ALG10B: variants seen among roughly 807,000 people sequenced by gnomAD.
The protein encoded by ALG10B is ALG10 alpha-1,2-glucosyltransferase B, also known as dol-P-Glc:Glc(2)Man(9)GlcNAc(2)-PP-Dol alpha-1,2-glucosyltransferase B.
A neutral mutation model predicts 38.7 loss-of-function variants in ALG10B; 27 were observed. The ratio of observed to expected loss-of-function variants is 0.70; its 90% CI spans 0.51 to 0.96. The LOEUF (loss-of-function observed/expected upper bound fraction) is 0.96. ALG10B is among the 40% of genes least tolerant of loss of function. The pLI, the probability that ALG10B is intolerant of heterozygous loss-of-function variation, is 0.00. For missense variants in ALG10B, 522 were observed against 542.7 expected (o/e 0.96, Z 0.38); for synonymous variants, 177 against 193.3 (o/e 0.92, Z 0.70).
rs1391509541 is a variant in ALG10B, at chr12:38,320,460, T to G, written c.669T>G (p.Ile223Met). The G allele has an allele frequency of 2.5e-6, 4 of 1,614,072 alleles. No individual in the cohort carries two copies. In the Admixed American group the frequency reaches 5.0e-5, roughly 20 times the overall value. Residue 223 changes from isoleucine to methionine, a missense_variant, in exon 3 of 3, where the codon ATT becomes ATG. Ile to Met is a conservative substitution (Grantham distance 10, BLOSUM62 1). Coordinates refer to ENST00000308742, the MANE Select transcript of ALG10B (RefSeq NM_001013620.4). ...LQKKEDRLPP[I>M]KGPFAEFRKI... ...AGAAGGAAGACAGACTTCCACCTAT[T>G]AAAGGACCATTTGCAGAATTCAGAA...
Position 38,322,902 on chromosome 12 carries a change from T to G in ALG10B, c.*1689T>G, listed in dbSNP as rs770781240. The G allele has an allele frequency of 3.9e-5, 6 of 152,218 alleles. No individual in the cohort carries two copies. Among genetic ancestry groups the G allele is most frequent in the Non-Finnish European group, 7.3e-5 (5 of 68,028 alleles). 9.4% of individuals were successfully genotyped at this position (152,218 alleles called of 1,614,324 possible). On this transcript the variant is annotated 3_prime_UTR_variant, in exon 3 of 3. Transcript: ENST00000308742. ...TTGGCTTATTTCACTTACCATAATGTCCTCCACGATCATCCATATTGTTGC... is the reference window on the plus strand; with the variant it reads ...TTGGCTTATTTCACTTACCATAATGGCCTCCACGATCATCCATATTGTTGC...
rs1192175694 is a variant in ALG10B at position 38,328,872 on chromosome 12, A to G, written c.*7659A>G. Reference sequence around the variant, plus strand: ...AAACTCGTGTAACATTGTATCAGCCACTGTTATAAAGTGATTTACCCATGT... The same window carrying G: ...AAACTCGTGTAACATTGTATCAGCCGCTGTTATAAAGTGATTTACCCATGT... On this transcript the variant is annotated 3_prime_UTR_variant, in exon 3 of 3. Coordinates refer to ENST00000308742, the MANE Select transcript of ALG10B (RefSeq NM_001013620.4). 4.4e-6 allele frequency: 1 copy of G among 227,766 alleles called. No homozygotes were observed. The highest frequency in any genetic ancestry group is 8.5e-6 in the Non-Finnish European group (1 of 117,708). 14.1% of individuals were successfully genotyped at this position (227,766 alleles called of 1,614,324 possible).
At position 38,328,490 on chromosome 12, in the gene ALG10B, A is replaced by C. The variant is rs1307120288; in HGVS notation, c.*7277A>C. 1 of 152,134 alleles carries C rather than the reference A, an allele frequency of 6.6e-6. No homozygotes were observed. Among genetic ancestry groups the C allele is most frequent in the African/African-American group, 2.4e-5 (1 of 41,438 alleles). The allele number at this position is 152,134 out of a possible 1,614,324, so 9.4% of individuals were successfully genotyped here. A position where few individuals can be genotyped will look rare whatever the true frequency, so the allele number is the denominator to read the frequency against. On this transcript the variant is annotated 3_prime_UTR_variant, in exon 3 of 3. Transcript: ENST00000308742. ...AAAAGGCTGAGCACTATCTGTAAAA[A>C]TTTTTAAGGTGTCCACTAGGTGGAG...
In ALG10B at chr12:38,321,152, T is replaced by C. The variant is rs1175616643; in HGVS notation, c.1361T>C (p.Ile454Thr). Reference sequence around the variant, plus strand: ...ATTGTTAATTTCATAACTTTTTACATCTTTCTGAACAAGACTTTTCAGTGG... The same window carrying C: ...ATTGTTAATTTCATAACTTTTTACACCTTTCTGAACAAGACTTTTCAGTGG... Reference protein sequence around the residue: ...YAIVNFITFYIFLNKTFQWPN... With the variant: ...YAIVNFITFYTFLNKTFQWPN... The change falls in exon 3 of 3, where the codon ATC becomes ACC. Residue 454 changes from isoleucine to threonine, a missense_variant. Physicochemically the swap from Ile to Thr is moderately conservative, Grantham distance 89 (BLOSUM62 -1). Coordinates refer to ENST00000308742, the MANE Select transcript of ALG10B (RefSeq NM_001013620.4). 6.2e-7 allele frequency: 1 copy of C among 1,612,962 alleles called. No individual in the cohort carries two copies. The highest frequency in any genetic ancestry group is 8.5e-7 in the Non-Finnish European group (1 of 1,179,596).
In ALG10B at chr12:38,323,745, A is replaced by C; in HGVS notation, c.*2532A>C. The stretch of plus-strand genomic sequence containing the variant: ...TTGTAGAAAAACGTGTTTTACCCAG[A>C]CTTCTTAAAAATTAGATGAGAGAGG... On this transcript the variant is annotated 3_prime_UTR_variant, in exon 3 of 3. Transcript: ENST00000308742. 1 of 606,868 alleles carries C rather than the reference A, an allele frequency of 1.6e-6. No homozygotes were observed. Among genetic ancestry groups the C allele is most frequent in the East Asian group, 2.8e-5 (1 of 36,354 alleles). 37.6% of individuals were successfully genotyped at this position (606,868 alleles called of 1,614,324 possible).
chr12:38,324,123 C>T lies in ALG10B; in HGVS notation c.*2910C>T, dbSNP rs1847585712. ...TCTTGGCTCACTGAAACCTCCACCT[C>T]CTGGGTTCAAGCAGTTCTCCTGCCT... On this transcript the variant is annotated 3_prime_UTR_variant, in exon 3 of 3. Transcript: ENST00000308742. 3 of 550,180 alleles carry T rather than the reference C, an allele frequency of 5.5e-6. No individual in the cohort carries two copies. The highest frequency in any genetic ancestry group is 6.5e-6 in the Non-Finnish European group (2 of 309,552). 34.1% of individuals were successfully genotyped at this position (550,180 alleles called of 1,614,324 possible). A position where few individuals can be genotyped will look rare whatever the true frequency, so the allele number is the denominator to read the frequency against.
Position 38,329,540 on chromosome 12 carries a change from A to G in ALG10B, c.*8327A>G, listed in dbSNP as rs2120529621. 1 of 247,858 alleles carries G rather than the reference A, an allele frequency of 4.0e-6. No individual in the cohort carries two copies. 15.4% of individuals were successfully genotyped at this position (247,858 alleles called of 1,614,324 possible). A position where few individuals can be genotyped will look rare whatever the true frequency, so the allele number is the denominator to read the frequency against. ...AAGAATGTAGGAATATGTGTTCTAT[A>G]TGCTTTTAAGTTATGTATTACATAC... On this transcript the variant is annotated 3_prime_UTR_variant, in exon 3 of 3. Transcript: ENST00000308742.
chr12:38,321,012 A>T lies in ALG10B; in HGVS notation c.1221A>T (p.Ile407=), dbSNP rs1348447127. The change falls in exon 3 of 3, where the codon ATA becomes ATT. Residue 407 remains isoleucine (I), a synonymous_variant. Coordinates refer to ENST00000308742, the MANE Select transcript of ALG10B (RefSeq NM_001013620.4). ...TTTTCATATGCTTGTTCATTGTTAT[A>T]GTTCCTCAGAAACTGCTGGAATTTC... ...LMFFICLFIV[I]VPQKLLEFRY... 6.2e-7 allele frequency: 1 copy of T among 1,613,208 alleles called. No homozygotes were observed. The highest frequency in any genetic ancestry group is 8.5e-7 in the Non-Finnish European group (1 of 1,179,722).
In ALG10B at chr12:38,324,915, A is replaced by C. The variant is rs1012571762; in HGVS notation, c.*3702A>C. 6.6e-6 allele frequency: 1 copy of C among 152,228 alleles called. No individual in the cohort carries two copies. The highest frequency in any genetic ancestry group is 2.1e-4 in the South Asian group (1 of 4,832). 9.4% of individuals were successfully genotyped at this position (152,228 alleles called of 1,614,324 possible). ...CCTGCTCGAGGGCATCTGGAGCCCT[A>C]CAGTTACCATTACTAAAGTCTGTGA... On this transcript the variant is annotated 3_prime_UTR_variant, in exon 3 of 3. Transcript: ENST00000308742.
At position 38,324,002 on chromosome 12, in the gene ALG10B, T is replaced by A. The variant is rs1472876533; in HGVS notation, c.*2789T>A. On this transcript the variant is annotated 3_prime_UTR_variant, in exon 3 of 3. Coordinates refer to ENST00000308742, the MANE Select transcript of ALG10B (RefSeq NM_001013620.4). The stretch of plus-strand genomic sequence containing the variant: ...ACCCTGTAATTAAAGAAGACTGCTC[T>A]TTGGAGGGATCACTGTTCTATATCT... The A allele has an allele frequency of 1.4e-6, 1 of 690,350 alleles. No homozygotes were observed. The highest frequency in any genetic ancestry group is 2.1e-5 in the Admixed American group (1 of 46,646). The allele number at this position is 690,350 out of a possible 1,614,324, so 42.8% of individuals were successfully genotyped here. A position where few individuals can be genotyped will look rare whatever the true frequency, so the allele number is the denominator to read the frequency against.
In ALG10B at chr12:38,321,351, A is replaced by T. The variant is rs1945703808; in HGVS notation, c.*138A>T. The T allele has an allele frequency of 1.2e-6, 1 of 866,450 alleles. No individual in the cohort carries two copies. The highest frequency in any genetic ancestry group is 1.7e-5 in the African/African-American group (1 of 57,984). The allele number at this position is 866,450 out of a possible 1,614,324, so 53.7% of individuals were successfully genotyped here. A position where few individuals can be genotyped will look rare whatever the true frequency, so the allele number is the denominator to read the frequency against. Reference sequence around the variant, plus strand: ...CAAATTACATTAGTTTTTTTAATATATATTTTAAACATATGTAAGAAATTA... The same window carrying T: ...CAAATTACATTAGTTTTTTTAATATTTATTTTAAACATATGTAAGAAATTA... On this transcript the variant is annotated 3_prime_UTR_variant, in exon 3 of 3. Coordinates refer to ENST00000308742, the MANE Select transcript of ALG10B (RefSeq NM_001013620.4).
chr12:38,328,992 G>A lies in ALG10B; in HGVS notation c.*7779G>A, dbSNP rs1447732635. The A allele has an allele frequency of 2.6e-6, 1 of 387,550 alleles. No homozygotes were observed. Among genetic ancestry groups the A allele is most frequent in the African/African-American group, 2.1e-5 (1 of 48,430 alleles). The allele number at this position is 387,550 out of a possible 1,614,324, so 24.0% of individuals were successfully genotyped here. A position where few individuals can be genotyped will look rare whatever the true frequency, so the allele number is the denominator to read the frequency against. ...TTTTTTCCAAGATTACAAAATAACT[G>A]TCTGAGCTGGGATTCGTAACCAGGC... On this transcript the variant is annotated 3_prime_UTR_variant, in exon 3 of 3. Coordinates refer to ENST00000308742, the MANE Select transcript of ALG10B (RefSeq NM_001013620.4).
chr12:38,320,070 T>G, intron 2 of ALG10B, 91 bp from the exon 3 acceptor site: 2 of 1,477,232 alleles, frequency 1.4e-6, no homozygotes, highest in South Asian at 2.3e-5. Context: ...GTTTGAGTAG[T>G]TGAGTAGTTT....
rs764985683 is a variant in ALG10B, at chr12:38,320,814, T to G, written c.1023T>G (p.Thr341=). 1 of 1,613,976 alleles carries G rather than the reference T, an allele frequency of 6.2e-7. No individual in the cohort carries two copies. The highest frequency in any genetic ancestry group is 8.5e-7 in the Non-Finnish European group (1 of 1,179,924). The change falls in exon 3 of 3, where the codon ACT becomes ACG. Residue 341 remains threonine (T), a synonymous_variant. Transcript: ENST00000308742. ...LVSVFLVWKF[T]YAHKYLLADN... ...CTGTGTTTTTAGTTTGGAAATTCAC[T>G]TATGCTCATAAATACTTGCTAGCAG...
chr12:38,317,668 A>G (rs1466562903), intron 1 of ALG10B: 1 of 171,774 alleles, frequency 5.8e-6, no homozygotes, highest in Non-Finnish European at 1.3e-5. Flanking sequence ...GTGACACAAT[A>G]TAGGGTACTG....
chr12:38,318,083 CG>C lies in ALG10B; in HGVS notation c.172-173del, dbSNP rs553530734. On this transcript the variant is annotated intron_variant, in intron 1 of 2. Transcript: ENST00000308742. ...TACCTGAACCATCACTAAGCTGGTCCGGGGGCAAAAAATAAGAAAAACTAAT... is the reference window on the plus strand; with the variant it reads ...TACCTGAACCATCACTAAGCTGGTCCGGGGCAAAAAATAAGAAAAACTAAT... 283 of 743,392 alleles carry C rather than the reference CG, an allele frequency of 3.8e-4. 1 individual carries two copies. The East Asian group carries it at 5.8e-3, about 15-fold the overall frequency. 46.0% of individuals were successfully genotyped at this position (743,392 alleles called of 1,614,324 possible). A position where few individuals can be genotyped will look rare whatever the true frequency, so the allele number is the denominator to read the frequency against.
rs1264173593 is a variant in ALG10B at position 38,329,306 on chromosome 12, C to CT, written c.*8094dup. On this transcript the variant is annotated 3_prime_UTR_variant, in exon 3 of 3. Transcript: ENST00000308742. ...AAGGAAGTAAAAAAATAACTCAGGG[C>CT]TGGAGCCTTCAGCCATATTAACATA... 23 of 397,668 alleles carry CT rather than the reference C, an allele frequency of 5.8e-5. 1 individual carries two copies. The Middle Eastern group carries it at 4.4e-3, about 76-fold the overall frequency. 24.6% of individuals were successfully genotyped at this position (397,668 alleles called of 1,614,324 possible). A position where few individuals can be genotyped will look rare whatever the true frequency, so the allele number is the denominator to read the frequency against.
Position 38,318,402 on chromosome 12 carries a change from G to T in ALG10B, c.313G>T (p.Val105Phe), listed in dbSNP as rs772717701. Residue 105 changes from valine (V) to phenylalanine (F), a missense_variant, in exon 2 of 3, where the codon GTT becomes TTT. Physicochemically the swap from Val to Phe is conservative, Grantham distance 50. Coordinates refer to ENST00000308742, the MANE Select transcript of ALG10B (RefSeq NM_001013620.4). ...MLRFVNLLFS[V>F]GNFYLLYLLF... is the part of the protein sequence containing the mutation. Reference sequence around the variant, plus strand: ...CAGATTTGTTAATCTTCTCTTCAGTGTTGGCAACTTCTATTTACTATATTT... The same window carrying T: ...CAGATTTGTTAATCTTCTCTTCAGTTTTGGCAACTTCTATTTACTATATTT... 2 of 1,614,002 alleles carry T rather than the reference G, an allele frequency of 1.2e-6. No homozygotes were observed. The highest frequency in any genetic ancestry group is 1.3e-5 in the African/African-American group (1 of 74,910).
chr12:38,321,035 T>A lies in ALG10B; in HGVS notation c.1244T>A (p.Phe415Tyr), dbSNP rs1484209143. 5 of 1,613,286 alleles carry A rather than the reference T, an allele frequency of 3.1e-6. No individual in the cohort carries two copies. The highest frequency in any genetic ancestry group is 4.2e-6 in the Non-Finnish European group (5 of 1,179,776). ...IVIVPQKLLEFRYFILPYVIY... is the reference protein window; with the variant it reads ...IVIVPQKLLEYRYFILPYVIY... ...ATAGTTCCTCAGAAACTGCTGGAAT[T>A]TCGTTACTTCATTTTACCTTATGTC... Residue 415 changes from phenylalanine to tyrosine, a missense_variant, in exon 3 of 3, where the codon TTT becomes TAT. Coordinates refer to ENST00000308742, the MANE Select transcript of ALG10B (RefSeq NM_001013620.4).
Sources: allele counts gnomAD v4.1 joint callset, GRCh38; gene constraint gnomAD v4.1.1; transcripts MANE v1.5; gene names NCBI Gene and HGNC (gene_info 2026-07-23, HGNC 2026-07-21).